Variants in CFAP299 observed in about 807,000 individuals in gnomAD.
CFAP299 encodes the protein cilia and flagella associated protein 299.
Under a neutral mutation model 27.0 loss-of-function variants are expected in CFAP299, and 21 were observed. The observed-to-expected ratio is 0.78, with a 90% CI of 0.55 to 1.12. CFAP299 has a LOEUF of 1.12. Among genes scored for constraint, CFAP299 ranks in the 50% most tolerant of loss-of-function variants. The pLI, the probability that CFAP299 is intolerant of heterozygous loss-of-function variation, is 0.00. For missense variants in CFAP299, 310 were observed against 276.6 expected, an observed-to-expected ratio of 1.12 and a Z score of -0.86; for synonymous variants, 104 against 98.1, an observed-to-expected ratio of 1.06 and a Z score of -0.36.
At chr4:80,720,818 G>A (rs1009043767) in intron 3 of CFAP299, among the ~76,000 whole-genome samples, 2 of 151,992 alleles carry the variant, frequency 1.3e-5, no homozygotes, top group African/African-American at 4.8e-5. Flanking sequence ...GGTAAAGATG[G>A]TAGAATTAAT....
At chr4:80,546,393 T>A (rs1319965687) in intron 2 of CFAP299, among the ~76,000 whole-genome samples, 1 of 152,120 alleles carries the variant, frequency 6.6e-6, no homozygotes, top group African/African-American at 2.4e-5. Context: ...CAAAAAAGAA[T>A]AAGATACCTA....
chr4:80,930,247 T>G (rs916020026), intron 4 of CFAP299, among the ~76,000 whole-genome samples: 2 of 152,190 alleles, frequency 1.3e-5, no homozygotes, highest in Non-Finnish European at 2.9e-5. Context: ...AAGTCCCCAG[T>G]AAGGGCTTGG....
At chr4:80,468,209 CAA>C (rs769411041) in intron 2 of CFAP299, among the ~76,000 whole-genome samples, 10 of 150,930 alleles carry the variant, frequency 6.6e-5, no homozygotes, top group African/African-American at 1.7e-4. Flanking sequence ...TAAAATATGT[CAA>C]AGTTATAATT....
intron 3 of CFAP299, among the ~76,000 whole-genome samples, chr4:80,721,921 C>A (rs1356328981): frequency 6.6e-6 from 1 of 152,106 alleles, no homozygotes; most frequent in Non-Finnish European, 1.5e-5. Context: ...TAAAATACTT[C>A]AGCATACCTG....
intron 3 of CFAP299, among the ~76,000 whole-genome samples, chr4:80,600,984 T>C (rs1170028274): frequency 6.6e-6 from 1 of 152,178 alleles, no homozygotes; most frequent in African/African-American, 2.4e-5. Context: ...GTAAGTGATG[T>C]GCTTCATATG....
chr4:80,512,110 G>C (rs559635498), intron 2 of CFAP299, among the ~76,000 whole-genome samples: 1 of 152,138 alleles, frequency 6.6e-6, no homozygotes, highest in African/African-American at 2.4e-5. Flanking sequence ...ACTTTTATTT[G>C]TGCGAAATCA....
chr4:80,913,573 G>A (rs1438276777), intron 4 of CFAP299, among the ~76,000 whole-genome samples: 1 of 152,130 alleles, frequency 6.6e-6, no homozygotes, highest in Non-Finnish European at 1.5e-5. Flanking sequence ...CATTGTAGAG[G>A]CAACTTCCTC....
At chr4:80,852,318 C>A (rs1731571674) in intron 3 of CFAP299, among the ~76,000 whole-genome samples, 1 of 152,094 alleles carries the variant, frequency 6.6e-6, no homozygotes, top group African/African-American at 2.4e-5. Flanking sequence ...GAATCTGAAA[C>A]TCTGGGGATG....
chr4:80,640,557 T>A (rs1739674505), intron 3 of CFAP299, among the ~76,000 whole-genome samples: 1 of 152,212 alleles, frequency 6.6e-6, no homozygotes, highest in Admixed American at 6.5e-5. Flanking sequence ...CAAATTCCTC[T>A]TCATAGGTTT....
chr4:80,359,216 A>G (rs1723423600), intron 1 of CFAP299, among the ~76,000 whole-genome samples: 1 of 152,128 alleles, frequency 6.6e-6, no homozygotes, highest in South Asian at 2.1e-4. Context: ...TTACCTTTAT[A>G]GGTGATCTGA....
intron 3 of CFAP299, chr4:80,608,262 T>C: frequency 2.0e-6 from 2 of 1,002,038 alleles, no homozygotes; most frequent in Admixed American, 2.1e-5. Flanking sequence ...GTTCAAGCTA[T>C]ACTTTAGATA....
chr4:80,854,841 A>G (rs1578185153), intron 3 of CFAP299, among the ~76,000 whole-genome samples: 4 of 146,998 alleles, frequency 2.7e-5, no homozygotes, highest in Admixed American at 6.8e-5. Flanking sequence ...AAAAAAACAG[A>G]AAAGGAAAAT....
intron 4 of CFAP299, among the ~76,000 whole-genome samples, chr4:80,880,144 AAG>A: frequency 6.6e-6 from 1 of 152,036 alleles, no homozygotes; most frequent in Non-Finnish European, 1.5e-5. Flanking sequence ...AGCGGGGAGA[AAG>A]GGGGGGAGAG....
chr4:80,872,368 A>C (rs1226975348), intron 4 of CFAP299: 1 of 152,130 alleles, frequency 6.6e-6, no homozygotes, highest in Non-Finnish European at 1.5e-5. Context: ...ATAATGGTGA[A>C]TCTATAATTA....
At chr4:80,474,116 A>G (rs1482747711) in intron 2 of CFAP299, among the ~76,000 whole-genome samples, 1 of 152,210 alleles carries the variant, frequency 6.6e-6, no homozygotes, top group Non-Finnish European at 1.5e-5. Context: ...ATGTTGAGTA[A>G]TGAGAATAAG....
intron 3 of CFAP299, among the ~76,000 whole-genome samples, chr4:80,658,094 T>C (rs1008741616): frequency 2.6e-5 from 4 of 152,186 alleles, no homozygotes; most frequent in Admixed American, 6.5e-5. Context: ...ATCCTGAGAC[T>C]TTGCTGAAGT....
At chr4:80,453,665 AC>A (rs1312627808) in intron 2 of CFAP299, among the ~76,000 whole-genome samples, 1 of 151,342 alleles carries the variant, frequency 6.6e-6, no homozygotes, top group Admixed American at 6.6e-5. Flanking sequence ...ACATGGTGAA[AC>A]CCCGTCTCTA....
intron 3 of CFAP299, among the ~76,000 whole-genome samples, chr4:80,789,954 ATC>A (rs1727456030): frequency 6.6e-6 from 1 of 152,062 alleles, no homozygotes; most frequent in African/African-American, 2.4e-5. Context: ...GTGTTAATAT[ATC>A]TACTAGTATT....
intron 2 of CFAP299, among the ~76,000 whole-genome samples, chr4:80,368,937 CA>C (rs939292155): frequency 1.9e-5 from 2 of 104,250 alleles, no homozygotes; most frequent in African/African-American, 8.3e-5. Context: ...TAGGAGTGCA[CA>C]AGGTTTGTTG....
Sources: gnomAD v4.1 joint callset for allele counts (sites outside exome capture counted in the v4.1 genomes callset) on GRCh38, gnomAD v4.1.1 for gene constraint, MANE v1.5 for transcripts, NCBI Gene and HGNC (gene_info 2026-07-23, HGNC 2026-07-21) for gene names.